TRPS1: variants seen among roughly 807,000 people sequenced by gnomAD.
TRPS1 encodes transcriptional repressor GATA binding 1, also known as zinc finger transcription factor Trps1.
Under a neutral mutation model 101.2 loss-of-function variants are expected in TRPS1, and 6 were observed. The ratio of observed to expected loss-of-function variants is 0.06; its 90% CI spans 0.03 to 0.12. The LOEUF (loss-of-function observed/expected upper bound fraction) is 0.12. Among genes scored for constraint, TRPS1 ranks in the 10% least tolerant of loss-of-function variants. TRPS1 has a pLI of 1.00. For synonymous variants in TRPS1, 578 were observed against 589.8 expected (o/e 0.98, Z 0.29); for missense variants, 1,363 against 1,567.0 (o/e 0.87, Z 2.20).
At chr8:115,611,411 A>C (rs766128286) in intron 3 of TRPS1, among the ~76,000 whole-genome samples, 2 of 152,230 alleles carry the variant, frequency 1.3e-5, no homozygotes, top group African/African-American at 2.4e-5. Flanking sequence ...TGTGCCAAGC[A>C]CTGGAAATAC....
chr8:115,436,990 A>G (rs1813471979), intron 5 of TRPS1, among the ~76,000 whole-genome samples: 1 of 152,210 alleles, frequency 6.6e-6, no homozygotes, highest in Non-Finnish European at 1.5e-5. Context: ...TCAGTCTTCT[A>G]CAAGTTATCT....
At position 115,553,780 on chromosome 8, in the gene TRPS1, T is replaced by G. The variant is rs1048354318; in HGVS notation, c.2700+33221A>C. ...TTTTTCACAGTAGCATAGAGGTAAA[T>G]AAATTTATATTAGACTGTTGAATCC... On this transcript the variant is annotated intron_variant, in intron 5 of 6. Transcript: ENST00000395715. Among the ~76,000 whole-genome samples the G allele has an allele frequency of 9.9e-5, 15 of 152,110 alleles. 1 individual carries two copies. The highest frequency in any genetic ancestry group is 3.6e-4 in the African/African-American group (15 of 41,448).
Position 115,604,385 on chromosome 8 carries a change from G to A in TRPS1, c.1584C>T (p.Ala528=), listed in dbSNP as rs374035666. 42 of 1,613,934 alleles carry A rather than the reference G, an allele frequency of 2.6e-5. No homozygotes were observed. The highest frequency in any genetic ancestry group is 2.1e-4 in the South Asian group (19 of 91,072). The part of the protein sequence containing the change: ...AKKKDFSSKG[A]EDNMVTSYNC... ...TATAGCTCGTTACCATATTATCCTC[G>A]GCTCCCTTGCTGGAGAAGTCCTTCT... Residue 528 remains alanine (A), a synonymous_variant, in exon 4 of 7, where the codon GCC becomes GCT. Transcript: ENST00000395715. This position sits in a 1 kb window ranked among gnomAD's most constrained non-coding sequence, Gnocchi z 4.1.
chr8:115,441,515 T>C (rs1219645419), intron 5 of TRPS1, among the ~76,000 whole-genome samples: 1 of 152,168 alleles, frequency 6.6e-6, no homozygotes, highest in Non-Finnish European at 1.5e-5. Flanking sequence ...ACTTGAACAA[T>C]GAGTATAAAA....
intron 5 of TRPS1, among the ~76,000 whole-genome samples, chr8:115,554,996 C>T (rs1472830627): frequency 6.6e-6 from 1 of 152,150 alleles, no homozygotes; most frequent in Non-Finnish European, 1.5e-5. Flanking sequence ...ACCTCAAACA[C>T]TGAGGGACTC....
Position 115,587,505 on chromosome 8 carries a change from C to A in TRPS1, c.2196G>T (p.Gln732His). ...CTTCGCCGTTGGCTGTAGTGATGTC[C>A]TGTTCCTGGCAGTGAACAGTGTTGA... ...EHFNTVHCQE[Q>H]DITTANGEED... Residue 732 changes from glutamine to histidine, a missense_variant, in exon 5 of 7, where the codon CAG (glutamine) becomes CAT (histidine). Coordinates refer to ENST00000395715, the MANE Select transcript of TRPS1 (RefSeq NM_014112.5). 6.2e-7 allele frequency: 1 copy of A among 1,614,152 alleles called. No homozygotes were observed. Among genetic ancestry groups the A allele is most frequent in the Non-Finnish European group, 8.5e-7 (1 of 1,180,012 alleles).
chr8:115,663,456 C>T (rs988072449), intron 1 of TRPS1, among the ~76,000 whole-genome samples: 3 of 151,898 alleles, frequency 2.0e-5, no homozygotes, highest in Non-Finnish European at 4.4e-5. Flanking sequence ...GGGAAGGTGT[C>T]TAGCCACTTG....
At chr8:115,577,842 C>A (rs1215126711) in intron 5 of TRPS1, among the ~76,000 whole-genome samples, 1 of 152,102 alleles carries the variant, frequency 6.6e-6, no homozygotes, top group Admixed American at 6.6e-5. Context: ...TCCCTCAAAG[C>A]CCATGCCATT....
chr8:115,471,395 T>C lies in TRPS1; in HGVS notation c.2701-52943A>G, dbSNP rs140990201. ...AGATATCTTGTGAGAACTCACTTAC[T>C]ATCATGAGAACAGCAGCATTGGGGT... On this transcript the variant is annotated intron_variant, in intron 5 of 6. Transcript: ENST00000395715. 3.9e-3 allele frequency among the ~76,000 whole-genome samples: 594 copies of C among 152,314 alleles called. 8 individuals carry two copies. The South Asian group carries it at 0.046, about 12-fold the overall frequency.
chr8:115,425,897 A>G (rs910097131), intron 5 of TRPS1, among the ~76,000 whole-genome samples: 1 of 152,226 alleles, frequency 6.6e-6, no homozygotes, highest in Non-Finnish European at 1.5e-5. Context: ...CAGAATTGGA[A>G]AAACCCAGAT....
chr8:115,481,269 C>T (rs532699522), intron 5 of TRPS1, among the ~76,000 whole-genome samples: 31 of 152,186 alleles, frequency 2.0e-4, no homozygotes, highest in African/African-American at 6.0e-4. Flanking sequence ...GAAGCAAACG[C>T]AAACTAGCCA....
At chr8:115,546,309 A>G (rs1410728812) in intron 5 of TRPS1, among the ~76,000 whole-genome samples, 1 of 152,028 alleles carries the variant, frequency 6.6e-6, no homozygotes, top group Non-Finnish European at 1.5e-5. Flanking sequence ...ATGCTAGCTA[A>G]AAAATGCTAA....
At chr8:115,666,375 A>G (rs2130639972) in intron 1 of TRPS1, among the ~76,000 whole-genome samples, 1 of 151,802 alleles carries the variant, frequency 6.6e-6, no homozygotes, top group South Asian at 2.1e-4. Flanking sequence ...TCCCATACAA[A>G]CCCTGTATTT....
chr8:115,558,377 A>T (rs896491425), intron 5 of TRPS1, among the ~76,000 whole-genome samples: 14 of 152,172 alleles, frequency 9.2e-5, no homozygotes, highest in Admixed American at 7.2e-4. Flanking sequence ...TCAGAAAACA[A>T]GCCAGTGGGG....
At chr8:115,639,417 T>C (rs571555762) in intron 1 of TRPS1, among the ~76,000 whole-genome samples, 1 of 152,192 alleles carries the variant, frequency 6.6e-6, no homozygotes, top group South Asian at 2.1e-4. Flanking sequence ...CAATTTTGGG[T>C]GGAAGGATAA....
chr8:115,666,198 T>A (rs1811916925), intron 1 of TRPS1, among the ~76,000 whole-genome samples: 2 of 152,110 alleles, frequency 1.3e-5, no homozygotes, highest in Non-Finnish European at 2.9e-5. Flanking sequence ...AAAAGGAAGT[T>A]ATGAAATCCA....
chr8:115,574,383 T>C (rs1236622324), intron 5 of TRPS1, among the ~76,000 whole-genome samples: 1 of 152,128 alleles, frequency 6.6e-6, no homozygotes, highest in Admixed American at 6.6e-5. Flanking sequence ...CAACACGCAT[T>C]CCAATCCCAC....
At chr8:115,549,547 C>T (rs965657105) in intron 5 of TRPS1, among the ~76,000 whole-genome samples, 7 of 152,012 alleles carry the variant, frequency 4.6e-5, no homozygotes, top group Non-Finnish European at 7.4e-5. Flanking sequence ...ATTCCCCTGT[C>T]CCCTTTTGAC....
intron 5 of TRPS1, among the ~76,000 whole-genome samples, chr8:115,448,068 T>G (rs1384617844): frequency 6.6e-6 from 1 of 152,124 alleles, no homozygotes; most frequent in African/African-American, 2.4e-5. Flanking sequence ...AAAGAAGATA[T>G]ATAGATTCAA....
Sources: allele counts gnomAD v4.1 joint callset (sites outside exome capture counted in the v4.1 genomes callset), GRCh38; gene constraint gnomAD v4.1.1; non-coding constraint Gnocchi (gnomAD v3.1); transcripts MANE v1.5; gene names NCBI Gene and HGNC (gene_info 2026-07-23, HGNC 2026-07-21).